Variants in LGR4 observed in about 807,000 individuals in gnomAD.
The protein encoded by LGR4 is leucine rich repeat containing G protein-coupled receptor 4.
Under a neutral mutation model 84.8 loss-of-function variants are expected in LGR4, and 44 were observed. That is an observed-to-expected ratio of 0.52 (90% CI 0.41 to 0.67). The LOEUF (loss-of-function observed/expected upper bound fraction) is 0.67, where lower values mean the gene tolerates loss of function less well. Among genes scored for constraint, LGR4 ranks in the 30% least tolerant of loss-of-function variants. The probability of loss-of-function intolerance (pLI) is 0.00; values close to 1 mark genes in which losing one functional copy is unlikely to be tolerated. For synonymous variants in LGR4, 429 were observed against 434.3 expected, an observed-to-expected ratio of 0.99 and a Z score of 0.15; for missense variants, 1,032 against 1,131.4, an observed-to-expected ratio of 0.91 and a Z score of 1.26.
intron 1 of LGR4, among the ~76,000 whole-genome samples, chr11:27,460,730 C>CAG (rs1355605010): frequency 6.6e-6 from 1 of 152,120 alleles, no homozygotes; most frequent in Middle Eastern, 3.2e-3. Flanking sequence ...GCCCCAGACT[C>CAG]TGTGTGTGAA....
At chr11:27,399,497 A>G (rs1339686383) in intron 2 of LGR4, among the ~76,000 whole-genome samples, 1 of 152,050 alleles carries the variant, frequency 6.6e-6, no homozygotes, top group Non-Finnish European at 1.5e-5. Context: ...GCAAGCTCCA[A>G]AATTTTGGCA....
chr11:27,462,581 C>A (rs544413548), intron 1 of LGR4, among the ~76,000 whole-genome samples: 37 of 152,184 alleles, frequency 2.4e-4, no homozygotes, highest in African/African-American at 8.7e-4. Flanking sequence ...GGGCTTTGAA[C>A]CTGATATACA....
chr11:27,413,888 A>G (rs1863761573), intron 1 of LGR4, among the ~76,000 whole-genome samples: 1 of 152,176 alleles, frequency 6.6e-6, no homozygotes, highest in Non-Finnish European at 1.5e-5. Flanking sequence ...CGACACCTTC[A>G]GTATCATGCT....
intron 1 of LGR4, among the ~76,000 whole-genome samples, chr11:27,421,257 C>T (rs7107780): frequency 0.017 from 2,572 of 152,228 alleles, 73 homozygotes; most frequent in African/African-American, 0.059. Context: ...TTTGACATTC[C>T]TGCTCCTGCA....
intron 1 of LGR4, among the ~76,000 whole-genome samples, chr11:27,417,428 C>T (rs1863841494): frequency 6.6e-6 from 1 of 152,066 alleles, no homozygotes; most frequent in Non-Finnish European, 1.5e-5. Context: ...CGGATGTCTA[C>T]AATATGACCA....
In LGR4 at chr11:27,368,465, A is replaced by G. The variant is rs1862811191; in HGVS notation, c.2258T>C (p.Ile753Thr). Residue 753 changes from isoleucine to threonine, a missense_variant, in exon 18 of 18, where the codon ATC becomes ACC. Physicochemically the swap from Ile to Thr is moderately conservative, Grantham distance 89 (BLOSUM62 -1). Transcript: ENST00000379214. The stretch of plus-strand genomic sequence containing the variant: ...GCAGAAAAAGATGCAATTGGTGAAG[A>G]TTAGCCAAGCGACATGCTTAATCAT... ...SSMIKHVAWL[I>T]FTNCIFFCPV... 1 of 1,614,112 alleles carries G rather than the reference A, an allele frequency of 6.2e-7. No individual in the cohort carries two copies. Among genetic ancestry groups the G allele is most frequent in the Non-Finnish European group, 8.5e-7 (1 of 1,180,034 alleles).
At position 27,367,617 on chromosome 11, in the gene LGR4, C is replaced by T. The variant is rs1862791920; in HGVS notation, c.*250G>A. On this transcript the variant is annotated 3_prime_UTR_variant, in exon 18 of 18. Transcript: ENST00000379214. ...TATATTGCTCTACTACACCTAAGAT[C>T]CTTTTCAAGTCATATATTTGTTTCA... The T allele has an allele frequency of 2.8e-6, 1 of 355,328 alleles. No homozygotes were observed. Among genetic ancestry groups the T allele is most frequent in the African/African-American group, 2.1e-5 (1 of 47,916 alleles). 22.0% of individuals were successfully genotyped at this position (355,328 alleles called of 1,614,324 possible).
At chr11:27,446,377 T>C (rs563768110) in intron 1 of LGR4, among the ~76,000 whole-genome samples, 4 of 152,180 alleles carry the variant, frequency 2.6e-5, no homozygotes. Context: ...GGGCGAAGGA[T>C]ATGAACAGAC....
chr11:27,449,388 GC>G (rs1303772696), intron 1 of LGR4, among the ~76,000 whole-genome samples: 1 of 152,118 alleles, frequency 6.6e-6, no homozygotes, highest in Non-Finnish European at 1.5e-5. Context: ...TTCAAGACCA[GC>G]CTGGGCAACA....
At chr11:27,421,600 G>C (rs1244456824) in intron 1 of LGR4, among the ~76,000 whole-genome samples, 2 of 152,022 alleles carry the variant, frequency 1.3e-5, no homozygotes, top group East Asian at 3.9e-4. Flanking sequence ...CACAACAAAA[G>C]GTATGTGTGG....
intron 1 of LGR4, among the ~76,000 whole-genome samples, chr11:27,437,297 ATT>A (rs575973670): frequency 6.7e-6 from 1 of 148,354 alleles, no homozygotes; most frequent in African/African-American, 2.5e-5. Context: ...GTTTTGGCCA[ATT>A]TTTTTTTTTA....
At chr11:27,397,794 A>G (rs1202431008) in intron 2 of LGR4, among the ~76,000 whole-genome samples, 2 of 152,218 alleles carry the variant, frequency 1.3e-5, no homozygotes, top group Non-Finnish European at 2.9e-5. Context: ...ATGATCACAC[A>G]GAATTAAAAC....
chr11:27,416,432 G>A (rs1863820724), intron 1 of LGR4, among the ~76,000 whole-genome samples: 1 of 152,158 alleles, frequency 6.6e-6, no homozygotes, highest in Non-Finnish European at 1.5e-5. Flanking sequence ...TGTATAATAA[G>A]TTCAACAAGA....
intron 1 of LGR4, among the ~76,000 whole-genome samples, chr11:27,447,634 T>C (rs977778569): frequency 3.9e-5 from 6 of 152,204 alleles, no homozygotes; most frequent in Non-Finnish European, 7.3e-5. Flanking sequence ...TTCCTTTACA[T>C]TCTTAATAAA....
In LGR4 at chr11:27,472,346, C is replaced by G. The variant is rs1565105367; in HGVS notation, c.-44G>C. The G allele has an allele frequency of 8.5e-7, 1 of 1,183,338 alleles. No individual in the cohort carries two copies. Among genetic ancestry groups the G allele is most frequent in the Non-Finnish European group, 1.0e-6 (1 of 953,684 alleles). The allele number at this position is 1,183,338 out of a possible 1,614,324, so 73.3% of individuals were successfully genotyped here. A position where few individuals can be genotyped will look rare whatever the true frequency, so the allele number is the denominator to read the frequency against. ...CGCCGGCCTCTCCCGCGGCGCTGCT[C>G]GCTCCGCTGCCCTCCGATGTCCCCC... is the stretch of plus-strand genomic sequence containing the variant. On this transcript the variant is annotated 5_prime_UTR_variant, in exon 1 of 18. Transcript: ENST00000379214.
At chr11:27,371,477 G>C (rs1357913015) in intron 17 of LGR4, 138 bp downstream of exon 17, 1 of 548,374 alleles carries the variant, frequency 1.8e-6, no homozygotes, top group African/African-American at 1.9e-5. Flanking sequence ...GGTACGCAAA[G>C]CACAAAATCA....
At chr11:27,371,552 T>C (rs1369320781) in intron 17 of LGR4, 63 bp downstream of exon 17, 1 of 1,097,536 alleles carries the variant, frequency 9.1e-7, no homozygotes, top group East Asian at 2.4e-5. Context: ...CCCAGGACAT[T>C]TAGATATATT....
At chr11:27,458,019 A>T (rs1353518911) in intron 1 of LGR4, among the ~76,000 whole-genome samples, 1 of 152,108 alleles carries the variant, frequency 6.6e-6, no homozygotes, top group East Asian at 1.9e-4. Context: ...AGTCCCATCT[A>T]TTTGGAGGGC....
chr11:27,399,158 C>T (rs1244061013), intron 2 of LGR4, among the ~76,000 whole-genome samples: 37 of 152,084 alleles, frequency 2.4e-4, no homozygotes, highest in Admixed American at 1.9e-3. Context: ...TGATCCACCC[C>T]CCTCAGCCTG....
Sources: allele counts gnomAD v4.1 joint callset (sites outside exome capture counted in the v4.1 genomes callset), GRCh38; gene constraint gnomAD v4.1.1; transcripts MANE v1.5; gene names NCBI Gene and HGNC (gene_info 2026-07-23, HGNC 2026-07-21).